The following GMDS variants were observed in gnomAD, a reference collection of about 807,000 sequenced individuals.
The protein encoded by GMDS is GDP-mannose 4,6 dehydratase.
A neutral mutation model predicts 49.9 loss-of-function variants in GMDS; 20 were observed. The observed-to-expected ratio is 0.40, with a 90% confidence interval of 0.28 to 0.58. The LOEUF is 0.58. Ranked by LOEUF, GMDS falls within the 20% of genes least tolerant of loss-of-function variation. The pLI, the probability that GMDS is intolerant of heterozygous loss-of-function variation, is 0.42. For synonymous variants in GMDS, 177 were observed against 178.6 expected (o/e 0.99, Z 0.07); for missense variants, 362 against 481.4 (o/e 0.75, Z 2.32).
intron 1 of GMDS, among the ~76,000 whole-genome samples, chr6:2,142,701 C>A (rs1277390494): frequency 6.6e-6 from 1 of 152,110 alleles, no homozygotes; most frequent in Non-Finnish European, 1.5e-5. Flanking sequence ...GTTATGGCAG[C>A]CCTAGTGGAC....
intron 9 of GMDS, among the ~76,000 whole-genome samples, chr6:1,712,122 T>TAGAA (rs1765994613): frequency 7.9e-5 from 12 of 152,220 alleles, no homozygotes; most frequent in Admixed American, 7.9e-4. Flanking sequence ...ATAGAAGGTA[T>TAGAA]AGAAGATGCT....
At chr6:1,842,136 T>C (rs541544472) in intron 7 of GMDS, among the ~76,000 whole-genome samples, 1 of 152,318 alleles carries the variant, frequency 6.6e-6, no homozygotes, top group South Asian at 2.1e-4. Context: ...TGATGTTCCA[T>C]CAACTTAAAA....
chr6:2,075,447 T>C (rs1394550176), intron 4 of GMDS, among the ~76,000 whole-genome samples: 2 of 152,112 alleles, frequency 1.3e-5, no homozygotes, highest in Admixed American at 1.3e-4. Flanking sequence ...GTGATGTTCC[T>C]CTTCCTGTGT....
intron 9 of GMDS, among the ~76,000 whole-genome samples, chr6:1,661,553 A>G (rs1764074087): frequency 6.6e-6 from 1 of 152,218 alleles, no homozygotes; most frequent in Admixed American, 6.5e-5. Flanking sequence ...CTGATCCAGC[A>G]CACACGGAGG....
rs57052982 is a variant in GMDS, at chr6:2,240,601, C to CAAAA, written c.102+4716_102+4719dup. Among the ~76,000 whole-genome samples the CAAAA allele has an allele frequency of 1.1e-4, 9 of 84,062 alleles. 1 individual carries two copies. Among genetic ancestry groups the CAAAA allele is most frequent in the South Asian group, 4.1e-4 (1 of 2,466 alleles). The allele number at this position is 84,062 out of a possible 152,430, so 55.1% of individuals were successfully genotyped here. A position where few individuals can be genotyped will look rare whatever the true frequency, so the allele number is the denominator to read the frequency against. ...CCTGGACAACAGAATAAGACTGTCT[C>CAAAA]AAAAAAAAAAAAAAAAAAAGAAAAG... On this transcript the variant is annotated intron_variant, in intron 1 of 10. Coordinates refer to ENST00000380815, the MANE Select transcript of GMDS (RefSeq NM_001500.4).
rs139825084 is a variant in GMDS at position 1,706,581 on chromosome 6, C to T, written c.987+19835G>A. 5.4e-3 allele frequency among the ~76,000 whole-genome samples: 818 copies of T among 152,300 alleles called. 10 individuals are homozygous for T. The highest frequency in any genetic ancestry group is 0.018 in the African/African-American group (761 of 41,558). ...TGAACATTTGGAAAACACAAACCAG[C>T]GGAGGAGAACCCCTCGCAGGCCCAT... is the stretch of plus-strand genomic sequence containing the variant. On this transcript the variant is annotated intron_variant, in intron 9 of 10. Coordinates refer to ENST00000380815, the MANE Select transcript of GMDS (RefSeq NM_001500.4).
rs191998622 is a variant in GMDS at position 2,191,899 on chromosome 6, C to T, written c.102+53422G>A. On this transcript the variant is annotated intron_variant, in intron 1 of 10. Transcript: ENST00000380815. The surrounding 1 kb of genome is among the most constrained non-coding windows in gnomAD (Gnocchi z 4.6). The stretch of plus-strand genomic sequence containing the variant: ...GAAGGCTGGGAGCCAGGCCACCAGT[C>T]CCACAGACCACACTGCAGGCTTATG... 2.9e-4 allele frequency among the ~76,000 whole-genome samples: 44 copies of T among 152,312 alleles called. No homozygotes were observed. The highest frequency in any genetic ancestry group is 3.5e-4 in the Non-Finnish European group (24 of 68,026).
rs549316937 is a variant in GMDS at position 1,915,219 on chromosome 6, G to A, written c.771+14884C>T. On this transcript the variant is annotated intron_variant, in intron 7 of 10. Transcript: ENST00000380815. ...GTTCAATCTCAGGCAGTTGAGCACC[G>A]GGGTTCAAGACGCTGTGAGAGATGC... 2.4e-3 allele frequency among the ~76,000 whole-genome samples: 366 copies of A among 152,348 alleles called. 1 individual carries two copies. Among genetic ancestry groups the A allele is most frequent in the Non-Finnish European group, 4.2e-3 (285 of 68,042 alleles).
chr6:1,702,831 G>T (rs1276822327), intron 9 of GMDS, among the ~76,000 whole-genome samples: 6 of 152,168 alleles, frequency 3.9e-5, no homozygotes, highest in Non-Finnish European at 7.3e-5. Context: ...TCAATCTGGG[G>T]AAATCGCTTC....
At chr6:1,971,029 G>A (rs1488443041) in intron 4 of GMDS, among the ~76,000 whole-genome samples, 1 of 152,060 alleles carries the variant, frequency 6.6e-6, no homozygotes, top group Non-Finnish European at 1.5e-5. Flanking sequence ...GTTTGGAAAG[G>A]TGAGGATGAG....
At chr6:2,142,409 G>A (rs896654075) in intron 1 of GMDS, among the ~76,000 whole-genome samples, 2 of 151,906 alleles carry the variant, frequency 1.3e-5, no homozygotes, top group Non-Finnish European at 2.9e-5. Context: ...TATGAGTGGT[G>A]TCCTTATTTA....
In GMDS at chr6:1,752,362, G is replaced by A. The variant is rs545628249; in HGVS notation, c.772-9776C>T. On this transcript the variant is annotated intron_variant, in intron 7 of 10. Transcript: ENST00000380815. ...AAAAGAATGAAAAGGAATGAACAAA[G>A]CCTTCAAGAAATATGGGACTATGTG... Among the ~76,000 whole-genome samples, 3 of 152,322 alleles carry A rather than the reference G, an allele frequency of 2.0e-5. No individual in the cohort carries two copies. The South Asian group carries it at 6.2e-4, about 32-fold the overall frequency.
chr6:1,941,444 C>G (rs764543313), intron 6 of GMDS, among the ~76,000 whole-genome samples: 11 of 152,140 alleles, frequency 7.2e-5, no homozygotes, highest in East Asian at 1.9e-4. Context: ...TCTGGATAGT[C>G]TGTATCCAGG....
chr6:1,635,900 C>G lies in GMDS; in HGVS notation c.988-11360G>C, dbSNP rs1408632017. 6.6e-6 allele frequency among the ~76,000 whole-genome samples: 1 copy of G among 152,222 alleles called. No homozygotes were observed. The highest frequency in any genetic ancestry group is 2.4e-5 in the African/African-American group (1 of 41,456). ...TCTGGGAGCTGCTCTTCTCTGCTCT[C>G]AGCTGGGGCTATCTTTAGGACACTA... is the stretch of plus-strand genomic sequence containing the variant. On this transcript the variant is annotated intron_variant, in intron 9 of 10. Transcript: ENST00000380815. The surrounding 1 kb of genome is among the most constrained non-coding windows in gnomAD (Gnocchi z 4.7).
At chr6:1,960,534 T>C (rs1329359133) in intron 5 of GMDS, among the ~76,000 whole-genome samples, 3 of 152,194 alleles carry the variant, frequency 2.0e-5, no homozygotes, top group Non-Finnish European at 1.5e-5. Context: ...TGAATGAACA[T>C]GGGTTGGTGA....
intron 4 of GMDS, among the ~76,000 whole-genome samples, chr6:2,113,776 C>T (rs1268054023): frequency 3.9e-5 from 6 of 152,076 alleles, no homozygotes; most frequent in Non-Finnish European, 8.8e-5. Flanking sequence ...CACAGCTTTT[C>T]GTACTGTACC....
At chr6:1,941,911 AC>A (rs1459544175) in intron 6 of GMDS, among the ~76,000 whole-genome samples, 2 of 151,410 alleles carry the variant, frequency 1.3e-5, no homozygotes, top group Non-Finnish European at 2.9e-5. Context: ...TTAAACACAC[AC>A]CCCATCCTGA....
At chr6:1,688,834 T>C (rs147569876) in intron 9 of GMDS, among the ~76,000 whole-genome samples, 1 of 152,184 alleles carries the variant, frequency 6.6e-6, no homozygotes, top group East Asian at 1.9e-4. Flanking sequence ...GGAATGTGAG[T>C]TTATTTTATT....
In GMDS at chr6:1,866,806, C is replaced by T. The variant is rs755519755; in HGVS notation, c.771+63297G>A. ...GTACACTTGCCACACAGTGCCCCCCCGGGGTACCCCTAAATCCCTATGGTC... is the reference window on the plus strand; with the variant it reads ...GTACACTTGCCACACAGTGCCCCCCTGGGGTACCCCTAAATCCCTATGGTC... On this transcript the variant is annotated intron_variant, in intron 7 of 10. Coordinates refer to ENST00000380815, the MANE Select transcript of GMDS (RefSeq NM_001500.4). Among the ~76,000 whole-genome samples, 9 of 152,300 alleles carry T rather than the reference C, an allele frequency of 5.9e-5. No individual in the cohort carries two copies. The East Asian group carries it at 7.7e-4, about 13-fold the overall frequency.
Sources: gnomAD v4.1 joint callset for allele counts (sites outside exome capture counted in the v4.1 genomes callset) on GRCh38, gnomAD v4.1.1 for gene constraint, Gnocchi (gnomAD v3.1) non-coding constraint, MANE v1.5 for transcripts, NCBI Gene and HGNC (gene_info 2026-07-23, HGNC 2026-07-21) for gene names.